Variants in CELF2 observed in about 807,000 individuals in gnomAD.
CELF2 encodes CUGBP Elav-like family member 2.
Under a neutral mutation model 62.6 loss-of-function variants are expected in CELF2, and 8 were observed. The observed-to-expected ratio is 0.13, with a 90% CI of 0.07 to 0.23. The LOEUF (loss-of-function observed/expected upper bound fraction) is 0.23. Ranked by LOEUF, CELF2 falls within the 10% of genes least tolerant of loss-of-function variation. The pLI is 1.00. For missense variants in CELF2, 333 were observed against 671.0 expected, an observed-to-expected ratio of 0.50 and a Z score of 5.56; for synonymous variants, 258 against 250.0, an observed-to-expected ratio of 1.03 and a Z score of -0.30.
the CELF2 span, among the ~76,000 whole-genome samples, chr10:10,755,528 T>C: frequency 6.6e-6 from 1 of 152,312 alleles, no homozygotes; most frequent in African/African-American, 2.4e-5. Context: ...CGTCTGCTGC[T>C]TCCTCCTCAG....
At position 11,296,926 on chromosome 10, in the gene CELF2, C is replaced by T. The variant is rs910474664; in HGVS notation, c.976+8374C>T. Among the ~76,000 whole-genome samples, 3 of 152,184 alleles carry T rather than the reference C, an allele frequency of 2.0e-5. No homozygotes were observed. The highest frequency in any genetic ancestry group is 4.8e-5 in the African/African-American group (2 of 41,456). ...GCAAATGGAAGTTCATCTCACTTTT[C>T]ACAAGCATGGACATATGGAAAAGGA... On this transcript the variant is annotated intron_variant, in intron 9 of 12. Transcript: ENST00000633077. The surrounding 1 kb of genome is among the most constrained non-coding windows in gnomAD (Gnocchi z 5.0).
At chr10:11,279,461 G>A (rs1044895372) in intron 8 of CELF2, among the ~76,000 whole-genome samples, 10 of 152,100 alleles carry the variant, frequency 6.6e-5, no homozygotes, top group African/African-American at 1.9e-4. Context: ...AGGCGCTCCC[G>A]GAGTGGTGAA....
chr10:11,204,517 C>T (rs1324747417), intron 2 of CELF2, among the ~76,000 whole-genome samples: 2 of 152,234 alleles, frequency 1.3e-5, no homozygotes, highest in Non-Finnish European at 2.9e-5. Context: ...TAGGAACCTC[C>T]GGTGCCTGGC....
chr10:11,144,966 A>C (rs887753341), intron 1 of CELF2, among the ~76,000 whole-genome samples: 26 of 152,002 alleles, frequency 1.7e-4, no homozygotes, highest in Admixed American at 4.6e-4. Context: ...GAGAGTTGAA[A>C]ATATGCGAAG....
At chr10:11,203,549 C>T (rs1410284615) in intron 2 of CELF2, among the ~76,000 whole-genome samples, 6 of 152,154 alleles carry the variant, frequency 3.9e-5, no homozygotes, top group Admixed American at 3.3e-4. Flanking sequence ...TGGAATCAGG[C>T]CAGGCTTTAT....
the CELF2 span, among the ~76,000 whole-genome samples, chr10:10,621,136 C>A: frequency 7.6e-6 from 1 of 132,310 alleles, no homozygotes; most frequent in East Asian, 2.5e-4. Context: ...CCCAGCTACT[C>A]GGGAGGCTGA....
chr10:10,546,047 C>G, the CELF2 span, among the ~76,000 whole-genome samples: 3 of 151,988 alleles, frequency 2.0e-5, no homozygotes, highest in Non-Finnish European at 4.4e-5. Flanking sequence ...GGATATAGGA[C>G]GACGCTGACA....
chr10:10,931,931 G>A lies in CELF2; in HGVS notation c.89+11932G>A, dbSNP rs188422053. 1.2e-4 allele frequency among the ~76,000 whole-genome samples: 19 copies of A among 152,244 alleles called. No homozygotes were observed. Among genetic ancestry groups the A allele is most frequent in the Non-Finnish European group, 2.5e-4 (17 of 68,024 alleles). On this transcript the variant is annotated intron_variant, in intron 2 of 13. Coordinates refer to the CELF2 transcript ENST00000636488. The surrounding 1 kb of genome is among the most constrained non-coding windows in gnomAD (Gnocchi z 6.1). The stretch of plus-strand genomic sequence containing the variant: ...GGTGGCTGGCAAGAGAACTTGTGCA[G>A]GGGAACTGCCCTTTATAAAACCATC...
chr10:10,869,492 G>T (rs1591378949), intron 1 of CELF2, among the ~76,000 whole-genome samples: 1 of 152,038 alleles, frequency 6.6e-6, no homozygotes, highest in South Asian at 2.1e-4. Context: ...AACCCAGAAG[G>T]CAGAGGTTGC....
chr10:11,332,440 T>C lies in CELF2; in HGVS notation c.*3387T>C, dbSNP rs2096045319. Reference sequence around the variant, plus strand: ...CCTTTCCCAGCCTTTTTGGTTTTTTTAATTGAACACATTTCATCTAAGTAA... The same window carrying C: ...CCTTTCCCAGCCTTTTTGGTTTTTTCAATTGAACACATTTCATCTAAGTAA... On this transcript the variant is annotated 3_prime_UTR_variant, in exon 13 of 13. Coordinates refer to ENST00000633077, the MANE Select transcript of CELF2 (RefSeq NM_001326342.2). The C allele has an allele frequency of 6.6e-6, 1 of 152,600 alleles. No individual in the cohort carries two copies. Among genetic ancestry groups the C allele is most frequent in the African/African-American group, 2.4e-5 (1 of 41,460 alleles). The allele number at this position is 152,600 out of a possible 1,614,324, so 9.5% of individuals were successfully genotyped here.
the CELF2 span, among the ~76,000 whole-genome samples, chr10:10,574,730 A>G: frequency 6.6e-6 from 1 of 152,008 alleles, no homozygotes; most frequent in African/African-American, 2.4e-5. Flanking sequence ...TGTTTTTGAG[A>G]TGGAGTTTTG....
At chr10:10,722,317 A>G in the CELF2 span, among the ~76,000 whole-genome samples, 1 of 152,138 alleles carries the variant, frequency 6.6e-6, no homozygotes, top group East Asian at 1.9e-4. Context: ...TCTTTCTAAA[A>G]ATAAAAAATA....
chr10:11,028,574 C>T (rs2059618276), intron 1 of CELF2, among the ~76,000 whole-genome samples: 1 of 150,032 alleles, frequency 6.7e-6, no homozygotes, highest in African/African-American at 2.5e-5. Flanking sequence ...CGCCCGCCAC[C>T]ATGCCCTGCT....
Position 10,997,819 on chromosome 10 carries a change from C to G in CELF2, c.89+77820C>G, listed in dbSNP as rs1410630497. Among the ~76,000 whole-genome samples the G allele has an allele frequency of 2.0e-5, 3 of 152,174 alleles. No homozygotes were observed. The East Asian group carries it at 5.8e-4, about 29-fold the overall frequency. On this transcript the variant is annotated intron_variant, in intron 2 of 13. Transcript: ENST00000636488. The surrounding 1 kb of genome is among the most constrained non-coding windows in gnomAD (Gnocchi z 5.3). ...TCTTCCCACTGCCCTTCCTTCCTGT[C>G]TCGAGACTCTTCCAAGTTCTGAGTC...
rs1165932474 is a variant in CELF2, at chr10:11,297,893, A to G, written c.976+9341A>G. 6.6e-6 allele frequency among the ~76,000 whole-genome samples: 1 copy of G among 152,170 alleles called. No homozygotes were observed. Among genetic ancestry groups the G allele is most frequent in the East Asian group, 1.9e-4 (1 of 5,190 alleles). On this transcript the variant is annotated intron_variant, in intron 9 of 12. Transcript: ENST00000633077. This position sits in a 1 kb window ranked among gnomAD's most constrained non-coding sequence, Gnocchi z 4.4. ...GCTACTCGGGAGGCTGAGGCAGGAA[A>G]ATGACTTGAACCCAGGAGGCAGAGG...
the CELF2 span, among the ~76,000 whole-genome samples, chr10:10,508,467 C>A: frequency 2.6e-5 from 4 of 152,290 alleles, no homozygotes; most frequent in South Asian, 6.2e-4. Context: ...CAGAGAGCCT[C>A]GGCATGCTCT....
chr10:10,493,828 A>G, the CELF2 span, among the ~76,000 whole-genome samples: 1 of 152,044 alleles, frequency 6.6e-6, no homozygotes, highest in East Asian at 1.9e-4. Context: ...CACCGTGCCC[A>G]GCTGCAAAAG....
rs2062191327 is a variant in CELF2, at chr10:11,145,958, A to G, written c.75-19528A>G. 6.6e-6 allele frequency among the ~76,000 whole-genome samples: 1 copy of G among 152,126 alleles called. No homozygotes were observed. Among genetic ancestry groups the G allele is most frequent in the Admixed American group, 6.5e-5 (1 of 15,276 alleles). The stretch of plus-strand genomic sequence containing the variant: ...ACTTAAAATCCAAGAACATTGTGAG[A>G]ATACCTACCTGTACTCTCCTCTGGT... On this transcript the variant is annotated intron_variant, in intron 1 of 12. Transcript: ENST00000633077. This position sits in a 1 kb window ranked among gnomAD's most constrained non-coding sequence, Gnocchi z 4.3.
the CELF2 span, among the ~76,000 whole-genome samples, chr10:10,621,801 G>A: frequency 6.6e-6 from 1 of 152,124 alleles, no homozygotes; most frequent in Non-Finnish European, 1.5e-5. Flanking sequence ...GAAGATACTT[G>A]CCATAAGAGG....
Sources: allele counts gnomAD v4.1 joint callset (sites outside exome capture counted in the v4.1 genomes callset), GRCh38; gene constraint gnomAD v4.1.1; non-coding constraint Gnocchi (gnomAD v3.1); transcripts MANE v1.5; gene names NCBI Gene and HGNC (gene_info 2026-07-23, HGNC 2026-07-21).